Variants in GLIS3 observed in about 807,000 individuals in gnomAD.
The protein encoded by GLIS3 is zinc finger protein GLIS3.
In GLIS3, 53 loss-of-function variants were observed where a neutral mutation model predicts 78.6. That is an observed-to-expected ratio of 0.67 (90% confidence interval 0.54 to 0.85). The LOEUF (loss-of-function observed/expected upper bound fraction) is 0.85, where lower values mean the gene tolerates loss of function less well. GLIS3 is among the 40% of genes least tolerant of loss of function. The pLI, the probability that GLIS3 is intolerant of heterozygous loss-of-function variation, is 0.00. For missense variants in GLIS3, 1,703 were observed against 1,231.1 expected (o/e 1.38, Z -5.74); for synonymous variants, 684 against 509.9 (o/e 1.34, Z -4.60).
At chr9:4,012,241 A>G (rs1311720699) in intron 4 of GLIS3, among the ~76,000 whole-genome samples, 1 of 152,198 alleles carries the variant, frequency 6.6e-6, no homozygotes, top group Non-Finnish European at 1.5e-5. Flanking sequence ...TACAGCAGGC[A>G]CCAAAATGCC....
intron 9 of GLIS3, among the ~76,000 whole-genome samples, chr9:3,841,468 A>T (rs562144980): frequency 6.6e-6 from 1 of 152,262 alleles, no homozygotes; most frequent in Non-Finnish European, 1.5e-5. Context: ...AGACAGTAAC[A>T]CTCACATGGC....
chr9:3,935,642 A>G (rs556227543), intron 5 of GLIS3, among the ~76,000 whole-genome samples: 9 of 152,348 alleles, frequency 5.9e-5, no homozygotes, highest in Non-Finnish European at 1.2e-4. Context: ...GATAAAGGTT[A>G]ATGACGAATT....
intron 4 of GLIS3, among the ~76,000 whole-genome samples, chr9:4,043,735 T>G (rs1235399508): frequency 1.3e-5 from 2 of 152,234 alleles, no homozygotes; most frequent in African/African-American, 4.8e-5. Flanking sequence ...CACACCATCT[T>G]TGAGCTACTG....
chr9:4,000,075 T>C (rs575985267), intron 4 of GLIS3, among the ~76,000 whole-genome samples: 1 of 152,126 alleles, frequency 6.6e-6, no homozygotes, highest in Non-Finnish European at 1.5e-5. Flanking sequence ...CTTGAAAAAA[T>C]CCAAATATCC....
At chr9:4,462,698 T>A in the GLIS3 span, among the ~76,000 whole-genome samples, 1 of 151,712 alleles carries the variant, frequency 6.6e-6, no homozygotes, top group Non-Finnish European at 1.5e-5. Flanking sequence ...TAGTCCCAGC[T>A]ACACAGGAGG....
intron 2 of GLIS3, among the ~76,000 whole-genome samples, chr9:4,340,071 C>T (rs891876591): frequency 1.6e-4 from 24 of 151,470 alleles, no homozygotes; most frequent in Non-Finnish European, 3.2e-4. Context: ...GTGAATTCAC[C>T]ATGTCCTCAC....
At chr9:4,350,813 T>TG, upstream of GLIS3, among the ~76,000 whole-genome samples, 1 of 151,920 alleles carries the variant, frequency 6.6e-6, no homozygotes, top group African/African-American at 2.4e-5. Context: ...TGTTTTGTTT[T>TG]TGTTTTTGTT....
At chr9:4,294,773 C>CTA (rs747567519) in intron 1 of GLIS3, among the ~76,000 whole-genome samples, 2 of 152,128 alleles carry the variant, frequency 1.3e-5, no homozygotes, top group African/African-American at 2.4e-5. Flanking sequence ...TGTTTTACAC[C>CTA]TATATATATT....
intron 2 of GLIS3, among the ~76,000 whole-genome samples, chr9:4,265,269 A>T (rs1034221678): frequency 6.6e-6 from 1 of 152,030 alleles, no homozygotes; most frequent in African/African-American, 2.4e-5. Flanking sequence ...CATCTGTGCT[A>T]ATCTCATAAT....
intron 2 of GLIS3, among the ~76,000 whole-genome samples, chr9:4,250,684 G>A (rs1587147515): frequency 6.6e-6 from 1 of 152,100 alleles, no homozygotes; most frequent in East Asian, 1.9e-4. Context: ...TGCTTCTCTA[G>A]TTCTTTTAAC....
intron 9 of GLIS3, among the ~76,000 whole-genome samples, chr9:3,845,515 G>T (rs1588073640): frequency 6.6e-6 from 1 of 152,114 alleles, no homozygotes; most frequent in African/African-American, 2.4e-5. Flanking sequence ...TTTCAGTACT[G>T]TAAGGACTTT....
chr9:4,363,026 G>C, the GLIS3 span, among the ~76,000 whole-genome samples: 1 of 152,100 alleles, frequency 6.6e-6, no homozygotes, highest in Non-Finnish European at 1.5e-5. Context: ...GTGAACACTG[G>C]TCCATTATTT....
chr9:3,872,321 T>C (rs113110797), intron 8 of GLIS3, among the ~76,000 whole-genome samples: 1 of 152,246 alleles, frequency 6.6e-6, no homozygotes, highest in Non-Finnish European at 1.5e-5. Flanking sequence ...AGTCCCAAAG[T>C]TGCTTCCACA....
chr9:4,314,475 C>A (rs572725256), intron 2 of GLIS3, among the ~76,000 whole-genome samples: 1 of 152,326 alleles, frequency 6.6e-6, no homozygotes, highest in Non-Finnish European at 1.5e-5. Flanking sequence ...TAGGTAAATA[C>A]TGCTTTTTCC....
chr9:4,039,008 A>C (rs1170901784), intron 4 of GLIS3, among the ~76,000 whole-genome samples: 1 of 152,200 alleles, frequency 6.6e-6, no homozygotes, highest in Non-Finnish European at 1.5e-5. Context: ...GCAGCTTGCC[A>C]CAACAATAGG....
chr9:3,828,733 T>C (rs954656323), intron 10 of GLIS3, among the ~76,000 whole-genome samples: 2 of 151,838 alleles, frequency 1.3e-5, no homozygotes, highest in Admixed American at 6.5e-5. Flanking sequence ...TTCTCACAGA[T>C]GAAGAAATAG....
chr9:4,213,860 C>T (rs1463892391), intron 2 of GLIS3, among the ~76,000 whole-genome samples: 3 of 149,546 alleles, frequency 2.0e-5, no homozygotes, highest in Non-Finnish European at 3.0e-5. Context: ...ATCAGGGTCA[C>T]AGATCAAGTG....
chr9:4,449,226 C>G, the GLIS3 span, among the ~76,000 whole-genome samples: 5 of 152,206 alleles, frequency 3.3e-5, no homozygotes, highest in African/African-American at 1.2e-4. Flanking sequence ...GCTAGTGCAG[C>G]AGTCTGACAT....
chr9:4,286,957 T>C (rs1324049481), intron 1 of GLIS3, among the ~76,000 whole-genome samples: 4 of 152,220 alleles, frequency 2.6e-5, no homozygotes, highest in African/African-American at 9.6e-5. Context: ...AAAGCAGACA[T>C]GGCTTCTAAA....
Sources: allele counts gnomAD v4.1 joint callset (sites outside exome capture counted in the v4.1 genomes callset), GRCh38; gene constraint gnomAD v4.1.1; transcripts MANE v1.5; gene names NCBI Gene and HGNC (gene_info 2026-07-23, HGNC 2026-07-21).